The following KALRN variants were observed in gnomAD, a reference collection of about 807,000 sequenced individuals.
The protein encoded by KALRN is kalirin.
In KALRN, 70 loss-of-function variants were observed where a neutral mutation model predicts 353.7. That is an observed-to-expected ratio of 0.20 (90% CI 0.16 to 0.24). The LOEUF is 0.24. KALRN is among the 10% of genes least tolerant of loss of function. KALRN has a pLI of 1.00. For synonymous variants in KALRN, 1,391 were observed against 1,434.8 expected (o/e 0.97, Z 0.69); for missense variants, 2,791 against 3,756.7 (o/e 0.74, Z 6.72).
At chr3:124,648,051 G>A (rs1311204835) in intron 37 of KALRN, among the ~76,000 whole-genome samples, 2 of 152,188 alleles carry the variant, frequency 1.3e-5, no homozygotes, top group Admixed American at 1.3e-4. Context: ...TCCTCACTGT[G>A]GCAGAAACCT....
intron 33 of KALRN, among the ~76,000 whole-genome samples, chr3:124,551,861 C>T (rs2070580252): frequency 6.6e-6 from 1 of 152,194 alleles, no homozygotes; most frequent in Non-Finnish European, 1.5e-5. Context: ...CCATGCCCAG[C>T]ACAGCAGCTG....
intron 1 of KALRN, among the ~76,000 whole-genome samples, chr3:124,207,898 G>A (rs1292167631): frequency 6.6e-6 from 1 of 152,230 alleles, no homozygotes; most frequent in Non-Finnish European, 1.5e-5. Context: ...GAGCTGAAAA[G>A]TGGGCTCATG....
chr3:124,509,384 T>C (rs1167260485), intron 33 of KALRN, among the ~76,000 whole-genome samples: 10 of 152,194 alleles, frequency 6.6e-5, no homozygotes, highest in Admixed American at 6.5e-4. Flanking sequence ...AATTTTTGTA[T>C]TTTTAGTAGA....
intron 23 of KALRN, among the ~76,000 whole-genome samples, chr3:124,461,127 A>G (rs146459411): frequency 1.6e-3 from 249 of 152,358 alleles, no homozygotes; most frequent in African/African-American, 5.8e-3. Flanking sequence ...ACTAAAAATT[A>G]TCTTTTATAT....
Position 124,334,459 on chromosome 3 carries a change from G to A in KALRN, c.1611G>A (p.Arg537=). 1.2e-6 allele frequency: 2 copies of A among 1,613,982 alleles called. No homozygotes were observed. Among genetic ancestry groups the A allele is most frequent in the Non-Finnish European group, 1.7e-6 (2 of 1,179,892 alleles). ...ACCGCAAGGTGCGGCTCCACCAGCG[G>A]CTGCAGCTCTGCGTCTTCCAGCAGG... is the stretch of plus-strand genomic sequence containing the variant. The part of the protein sequence containing the change: ...WQHRKVRLHQ[R]LQLCVFQQDV... The change falls in exon 9 of 60, where the codon CGG becomes CGA. Residue 537 remains arginine, a synonymous_variant. Coordinates refer to ENST00000682506, the MANE Select transcript of KALRN (RefSeq NM_001388419.1). The surrounding 1 kb of genome is among the most constrained non-coding windows in gnomAD (Gnocchi z 4.2).
chr3:124,231,717 T>G (rs2079177067), intron 2 of KALRN, among the ~76,000 whole-genome samples: 1 of 152,138 alleles, frequency 6.6e-6, no homozygotes. Context: ...CTTTATTTTT[T>G]TTTTTTAATC....
chr3:124,065,609 A>G (rs1263951407), intron 1 of KALRN, among the ~76,000 whole-genome samples: 1 of 141,830 alleles, frequency 7.1e-6, no homozygotes, highest in Non-Finnish European at 1.5e-5. Context: ...CTACTTTTCC[A>G]TATGACTAAA....
chr3:124,298,711 C>A, intron 5 of KALRN, 80 bp from the exon 6 acceptor site: 2 of 1,515,814 alleles, frequency 1.3e-6, no homozygotes, highest in Non-Finnish European at 1.8e-6. Flanking sequence ...GAGCTTTTTC[C>A]CCTTCCACTA....
intron 6 of KALRN, among the ~76,000 whole-genome samples, chr3:124,321,985 A>G (rs902242838): frequency 1.6e-4 from 24 of 152,382 alleles, no homozygotes; most frequent in African/African-American, 5.8e-4. Flanking sequence ...AAGAAGATAC[A>G]TATCAAGCTA....
chr3:124,201,238 T>C (rs1229321054), intron 1 of KALRN, among the ~76,000 whole-genome samples: 1 of 152,246 alleles, frequency 6.6e-6, no homozygotes, highest in African/African-American at 2.4e-5. Flanking sequence ...AGCACCTTAC[T>C]TGTTTAAGCC....
At chr3:124,550,174 A>C (rs914104492) in intron 33 of KALRN, among the ~76,000 whole-genome samples, 11 of 152,174 alleles carry the variant, frequency 7.2e-5, no homozygotes, top group African/African-American at 2.7e-4. Flanking sequence ...TAAGTGATAG[A>C]TCAGACATAA....
Position 124,395,187 on chromosome 3 carries a change from C to A in KALRN, c.2015C>A (p.Ala672Glu). The A allele has an allele frequency of 6.2e-7, 1 of 1,613,498 alleles. No individual in the cohort carries two copies. The highest frequency in any genetic ancestry group is 1.1e-5 in the South Asian group (1 of 91,022). The change falls in exon 12 of 60, where the codon GCA becomes GAA. Residue 672 changes from alanine (A) to glutamate (E), a missense_variant. Around this residue, in one of 11 missense-constraint regions of KALRN, gnomAD observed 452 missense variants for 575.8 expected, o/e 0.78. Coordinates refer to ENST00000682506, the MANE Select transcript of KALRN (RefSeq NM_001388419.1). The stretch of plus-strand genomic sequence containing the variant: ...AAGGAGATGTTGGAGGATGTCTGTG[C>A]AGATTCTGTGGATGCAGTCCAGGAA... ...LQKEMLEDVC[A>E]DSVDAVQELI...
chr3:124,145,269 C>G (rs899382059), intron 1 of KALRN, among the ~76,000 whole-genome samples: 5 of 152,182 alleles, frequency 3.3e-5, no homozygotes, highest in African/African-American at 1.2e-4. Context: ...TTAAGGAACT[C>G]TGCTACGTAC....
chr3:124,422,063 A>G (rs1398608215), intron 14 of KALRN, among the ~76,000 whole-genome samples: 1 of 152,228 alleles, frequency 6.6e-6, no homozygotes, highest in Non-Finnish European at 1.5e-5. Context: ...GTAGAAAAAC[A>G]TTGAGCAAAC....
intron 5 of KALRN, among the ~76,000 whole-genome samples, chr3:124,275,732 G>A (rs886593276): frequency 2.0e-5 from 3 of 152,152 alleles, no homozygotes; most frequent in African/African-American, 7.2e-5. Context: ...AAATGAACCT[G>A]CTCTAAATCA....
chr3:124,042,434 G>A (rs2040047647), intron 1 of KALRN, among the ~76,000 whole-genome samples: 1 of 152,210 alleles, frequency 6.6e-6, no homozygotes. Context: ...TTGGAGTAGG[G>A]GAGGGACTGT....
chr3:124,293,737 C>G (rs1453101998), intron 5 of KALRN, among the ~76,000 whole-genome samples: 1 of 143,164 alleles, frequency 7.0e-6, no homozygotes. Flanking sequence ...CACGAACTTT[C>G]CTCTTTGTAG....
At chr3:124,504,176 A>G (rs1359316810) in intron 33 of KALRN, among the ~76,000 whole-genome samples, 3 of 152,188 alleles carry the variant, frequency 2.0e-5, no homozygotes, top group African/African-American at 7.2e-5. Context: ...TGAGATCTAT[A>G]GGTGATAGCT....
intron 21 of KALRN, among the ~76,000 whole-genome samples, chr3:124,449,678 T>A (rs1017033130): frequency 6.6e-6 from 1 of 152,234 alleles, no homozygotes; most frequent in Admixed American, 6.5e-5. Context: ...AGAAACCTCA[T>A]GCCCATTAGC....
Sources: gnomAD v4.1 joint callset for allele counts (sites outside exome capture counted in the v4.1 genomes callset) on GRCh38, gnomAD v4.1.1 for gene constraint, gnomAD v4.1.1 regional missense constraint, Gnocchi (gnomAD v3.1) non-coding constraint, MANE v1.5 for transcripts, NCBI Gene and HGNC (gene_info 2026-07-23, HGNC 2026-07-21) for gene names.